Variants in RAD51D observed in about 807,000 individuals in gnomAD.
RAD51D encodes the protein DNA repair protein RAD51 homolog 4.
RAD51D carries 38 observed loss-of-function variants against 44.1 expected under a neutral mutation model. The observed-to-expected ratio is 0.86, with a 90% CI of 0.67 to 1.13. The LOEUF (loss-of-function observed/expected upper bound fraction) is 1.13, where lower values mean the gene tolerates loss of function less well. Ranked by LOEUF, RAD51D falls within the 50% of genes most tolerant of loss-of-function variation. The pLI, the probability that RAD51D is intolerant of heterozygous loss-of-function variation, is 0.00. For missense variants in RAD51D, 390 were observed against 414.0 expected, an observed-to-expected ratio of 0.94 and a Z score of 0.50; for synonymous variants, 141 against 166.6, an observed-to-expected ratio of 0.85 and a Z score of 1.18.
chr17:35,103,121 A>G lies in RAD51D; in HGVS notation c.738+133T>C. Reference sequence around the variant, plus strand: ...TTAGCTATTTATGGTGCAAAGCTGTAGCTGACCCAGGGAAGCTGGGATATG... The same window carrying G: ...TTAGCTATTTATGGTGCAAAGCTGTGGCTGACCCAGGGAAGCTGGGATATG... On this transcript the variant is annotated intron_variant, in intron 8 of 9. Coordinates refer to ENST00000345365, the MANE Select transcript of RAD51D (RefSeq NM_002878.4). This position sits in a 1 kb window ranked among gnomAD's most constrained non-coding sequence, Gnocchi z 4.1. The G allele has an allele frequency of 2.5e-6, 2 of 801,996 alleles. No individual in the cohort carries two copies. Among genetic ancestry groups the G allele is most frequent in the Non-Finnish European group, 2.2e-6 (1 of 465,026 alleles). The allele number at this position is 801,996 out of a possible 1,614,324, so 49.7% of individuals were successfully genotyped here.
intron 3 of RAD51D, chr17:35,115,394 G>A (rs913075484): frequency 6.5e-6 from 3 of 460,420 alleles, no homozygotes; most frequent in Middle Eastern, 3.3e-4. Flanking sequence ...CCCAAAGTAC[G>A]TTACATGCTA....
Position 35,107,006 on chromosome 17 carries a change from G to C in RAD51D, c.462C>G (p.Thr154=), listed in dbSNP as rs2091612775. 3 of 1,614,046 alleles carry C rather than the reference G, an allele frequency of 1.9e-6. No individual in the cohort carries two copies. Among genetic ancestry groups the C allele is most frequent in the Non-Finnish European group, 2.5e-6 (3 of 1,180,038 alleles). ...CCCTTACCTGTTCCTCCTCATCCTG[G>C]GTTTTAGCCTGAAGCAGCTGGAGGA... The part of the protein sequence containing the change: ...SRLLQLLQAK[T]QDEEEQAEAL... The change falls in exon 5 of 10, where the codon ACC becomes ACG. Residue 154 remains threonine, a synonymous_variant. Transcript: ENST00000345365.
intron 3 of RAD51D, chr17:35,115,397 A>G: frequency 2.2e-6 from 1 of 455,538 alleles, no homozygotes; most frequent in Non-Finnish European, 4.4e-6. Context: ...AAAGTACGTT[A>G]CATGCTATAA....
intron 3 of RAD51D, among the ~76,000 whole-genome samples, chr17:35,110,160 A>C (rs1473894408): frequency 1.3e-5 from 2 of 151,752 alleles, no homozygotes; most frequent in African/African-American, 2.4e-5. Context: ...TTTGGTAGAG[A>C]CAGGGTTTTT....
Position 35,101,288 on chromosome 17 carries a change from G to A in RAD51D, c.816C>T (p.Pro272=), listed in dbSNP as rs565863781. ...TGGTGTCCAGGAGAATCCGAGTGCT[G>A]GGCACAAAGCTCCAGGAGCGTCCGA... is the stretch of plus-strand genomic sequence containing the variant. ...PALGRSWSFV[P]STRILLDTIE... Residue 272 remains proline, a synonymous_variant, in exon 9 of 10, where the codon CCC becomes CCT. Transcript: ENST00000345365. 1.2e-6 allele frequency: 2 copies of A among 1,614,098 alleles called. No homozygotes were observed. Among genetic ancestry groups the A allele is most frequent in the South Asian group, 2.2e-5 (2 of 91,080 alleles).
rs2091479543 is a variant in RAD51D at position 35,095,190 on chromosome 17, ATT to A, written c.*5761_*5762del. On this transcript the variant is annotated 3_prime_UTR_variant, in exon 10 of 10. Transcript: ENST00000345365. Reference sequence around the variant, plus strand: ...TAGTTCTGAGTTAGTCCTTTGTTAAATTAAATTTGGGGTCGGGTGTGGTGTCT... The same window carrying A: ...TAGTTCTGAGTTAGTCCTTTGTTAAAAAATTTGGGGTCGGGTGTGGTGTCT... The A allele has an allele frequency of 6.6e-6, 1 of 152,230 alleles. No individual in the cohort carries two copies. Among genetic ancestry groups the A allele is most frequent in the African/African-American group, 2.4e-5 (1 of 41,448 alleles). 9.4% of individuals were successfully genotyped at this position (152,230 alleles called of 1,614,324 possible). A position where few individuals can be genotyped will look rare whatever the true frequency, so the allele number is the denominator to read the frequency against.
rs2142433584 is a variant in RAD51D, at chr17:35,107,090, A to G, written c.378T>C (p.His126=). ...VCLCMAANVA[H]GLQQNVLYVD... ...CATATAGGACGTTTTGCTGCAGGCC[A>G]TGGGCCACATTTGCTGCCATACAGA... is the stretch of plus-strand genomic sequence containing the variant. The change falls in exon 5 of 10, where the codon CAT becomes CAC. Residue 126 remains histidine (H), a synonymous_variant. Coordinates refer to ENST00000345365, the MANE Select transcript of RAD51D (RefSeq NM_002878.4). 1 of 1,614,066 alleles carries G rather than the reference A, an allele frequency of 6.2e-7. No individual in the cohort carries two copies. The highest frequency in any genetic ancestry group is 8.5e-7 in the Non-Finnish European group (1 of 1,180,012).
In RAD51D at chr17:35,103,521, C is replaced by A. The variant is rs755393515; in HGVS notation, c.600G>T (p.Val200=). 2.5e-6 allele frequency: 4 copies of A among 1,614,114 alleles called. No homozygotes were observed. In the East Asian group the frequency reaches 6.7e-5, roughly 27 times the overall value. ...TGACCGAGTCCACAACCACCACCTT[C>A]ACAGTTCCTGAAGAACCAGTCACCT... is the stretch of plus-strand genomic sequence containing the variant. ...AQQVTGSSGT[V]KVVVVDSVTA... is the part of the protein sequence containing the mutation. The change falls in exon 7 of 10, where the codon GTG becomes GTT. Residue 200 remains valine (V), a synonymous_variant. Transcript: ENST00000345365. This position sits in a 1 kb window ranked among gnomAD's most constrained non-coding sequence, Gnocchi z 4.1.
At chr17:35,114,533 T>A (rs28670687) in intron 3 of RAD51D, among the ~76,000 whole-genome samples, 15,925 of 150,660 alleles carry the variant, frequency 0.11, 2,040 homozygotes, top group African/African-American at 0.29. Context: ...AAAAAAAATT[T>A]TTTTTAATTA....
At chr17:35,106,349 C>T (rs1695600577) in intron 6 of RAD51D, 37 bp downstream of exon 6, 1 of 1,569,604 alleles carries the variant, frequency 6.4e-7, no homozygotes, top group South Asian at 1.1e-5. Flanking sequence ...ACCTAGAAAG[C>T]TGAATTAAGC....
At chr17:35,104,654 G>C (rs947587563) in intron 6 of RAD51D, among the ~76,000 whole-genome samples, 4 of 152,232 alleles carry the variant, frequency 2.6e-5, no homozygotes, top group Non-Finnish European at 5.9e-5. Context: ...AAAATGCCAG[G>C]ATTACAGGCA....
chr17:35,117,639 G>A (rs902193241), intron 3 of RAD51D, among the ~76,000 whole-genome samples: 4 of 152,072 alleles, frequency 2.6e-5, no homozygotes, highest in Non-Finnish European at 4.4e-5. Flanking sequence ...ACAGGCGCCC[G>A]CCACCACGCC....
In RAD51D at chr17:35,101,346, C is replaced by T. The variant is rs1060502963; in HGVS notation, c.758G>A (p.Arg253Gln). 7 of 1,613,832 alleles carry T rather than the reference C, an allele frequency of 4.3e-6. No individual in the cohort carries two copies. The highest frequency in any genetic ancestry group is 1.7e-5 in the Admixed American group (1 of 60,000). The change falls in exon 9 of 10, where the codon CGA becomes CAA. Residue 253 changes from arginine to glutamine, a missense_variant. By Grantham distance (43) the Arg-to-Gln change is conservative. Coordinates refer to ENST00000345365, the MANE Select transcript of RAD51D (RefSeq NM_002878.4). ...MAVVVTNHIT[R>Q]DRDSGRLKPA... The stretch of plus-strand genomic sequence containing the variant: ...TTTGAGCCTCCCGCTGTCCCTGTCT[C>T]GAGTTATGTGGTTGGTCACCTGCAG...
At position 35,106,441 on chromosome 17, in the gene RAD51D, T is replaced by A. The variant is rs2142429336; in HGVS notation, c.521A>T (p.Asp174Val). Residue 174 changes from aspartate to valine, a missense_variant, in exon 6 of 10, where the codon GAC (aspartate) becomes GTC (valine). Asp to Val is a radical substitution (Grantham distance 152). Transcript: ENST00000345365. Reference protein sequence around the residue: ...LRRIQVVHAFDIFQMLDVLQE... With the variant: ...LRRIQVVHAFVIFQMLDVLQE... Reference sequence around the variant, plus strand: ...CAGCACATCCAGCATCTGGAAGATGTCAAATGCATGCACCACCTGGATCCT... The same window carrying A: ...CAGCACATCCAGCATCTGGAAGATGACAAATGCATGCACCACCTGGATCCT... 6.2e-7 allele frequency: 1 copy of A among 1,613,346 alleles called. No homozygotes were observed. Among genetic ancestry groups the A allele is most frequent in the Non-Finnish European group, 8.5e-7 (1 of 1,179,714 alleles).
At position 35,103,053 on chromosome 17, in the gene RAD51D, A is replaced by G. The variant is rs2091557647; in HGVS notation, c.738+201T>C. ...GACTAAAAAGAAAAAATGTAGAAAC[A>G]AAACAAAACAACAAAAAAACAACAA... On this transcript the variant is annotated intron_variant, in intron 8 of 9. Transcript: ENST00000345365. This position sits in a 1 kb window ranked among gnomAD's most constrained non-coding sequence, Gnocchi z 4.1. Among the ~76,000 whole-genome samples, 1 of 152,208 alleles carries G rather than the reference A, an allele frequency of 6.6e-6. No individual in the cohort carries two copies. Among genetic ancestry groups the G allele is most frequent in the African/African-American group, 2.4e-5 (1 of 41,438 alleles).
In RAD51D at chr17:35,117,107, T is replaced by C; in HGVS notation, c.263+1394A>G. 2.7e-6 allele frequency: 4 copies of C among 1,498,198 alleles called. No individual in the cohort carries two copies. The Admixed American group carries it at 5.8e-5, about 22-fold the overall frequency. 92.8% of individuals were successfully genotyped at this position (1,498,198 alleles called of 1,614,324 possible). A position where few individuals can be genotyped will look rare whatever the true frequency, so the allele number is the denominator to read the frequency against. On this transcript the variant is annotated intron_variant, in intron 3 of 9. Coordinates refer to ENST00000345365, the MANE Select transcript of RAD51D (RefSeq NM_002878.4). Reference sequence around the variant, plus strand: ...CTGTTCACCACTCCCTCCTTACCGTTGCCTCCCTCGGTGCTTACAGCTCTC... The same window carrying C: ...CTGTTCACCACTCCCTCCTTACCGTCGCCTCCCTCGGTGCTTACAGCTCTC...
intron 4 of RAD51D, 96 bp downstream of exon 4, chr17:35,107,270 G>C: frequency 1.4e-6 from 2 of 1,449,176 alleles, no homozygotes; most frequent in South Asian, 2.3e-5. Flanking sequence ...GTTGGGCTCT[G>C]AACCCATTAG....
intron 3 of RAD51D, among the ~76,000 whole-genome samples, chr17:35,112,613 G>C (rs1396372060): frequency 6.6e-6 from 1 of 151,832 alleles, no homozygotes; most frequent in African/African-American, 2.4e-5. Context: ...CCTGACCTCA[G>C]GTGATCCACT....
chr17:35,116,399 T>A (rs1246576817), intron 3 of RAD51D, among the ~76,000 whole-genome samples: 1 of 152,252 alleles, frequency 6.6e-6, no homozygotes, highest in African/African-American at 2.4e-5. Flanking sequence ...AAATAACTGG[T>A]CTGCCGTTTG....
Sources: gnomAD v4.1 joint callset for allele counts (sites outside exome capture counted in the v4.1 genomes callset) on GRCh38, gnomAD v4.1.1 for gene constraint, Gnocchi (gnomAD v3.1) non-coding constraint, MANE v1.5 for transcripts, NCBI Gene and HGNC (gene_info 2026-07-23, HGNC 2026-07-21) for gene names.